Variants in WNK2 observed in about 807,000 individuals in gnomAD.
WNK2 encodes serine/threonine-protein kinase WNK2.
A neutral mutation model predicts 192.1 loss-of-function variants in WNK2; 67 were observed. That is an observed-to-expected ratio of 0.35 (90% confidence interval 0.29 to 0.43). WNK2 has a LOEUF of 0.43. Among genes scored for constraint, WNK2 ranks in the 20% least tolerant of loss-of-function variants. The pLI is 1.00. For missense variants in WNK2, 2,698 were observed against 3,089.7 expected (o/e 0.87, Z 3.01); for synonymous variants, 1,439 against 1,393.9 (o/e 1.03, Z -0.72).
At chr9:93,290,162 T>G in intron 21 of WNK2, 115 bp downstream of exon 21, 1 of 912,688 alleles carries the variant, frequency 1.1e-6, no homozygotes, top group Non-Finnish European at 1.7e-6. Context: ...AAGCATTTCT[T>G]AAAGATCCTT....
chr9:93,318,908 G>A, intron 29 of WNK2: 3 of 1,412,286 alleles, frequency 2.1e-6, no homozygotes, highest in Non-Finnish European at 1.8e-6. Context: ...GAATTGTATA[G>A]TTTCTGTACT....
In WNK2 at chr9:93,288,955, C is replaced by G. The variant is rs539257984; in HGVS notation, c.4201C>G (p.Pro1401Ala). 1.9e-6 allele frequency: 3 copies of G among 1,605,130 alleles called. No homozygotes were observed. The South Asian group carries it at 3.3e-5, about 18-fold the overall frequency. ...TGCTCTGCCCCAAGATGGAGCAGCT[C>G]CAGCCACCAGCACCATGCCAGAGCC... is the stretch of plus-strand genomic sequence containing the variant. ...VTALPQDGAA[P>A]ATSTMPEPAS... Residue 1401 changes from proline (P) to alanine (A), a missense_variant, in exon 20 of 30, where the codon CCA (proline) becomes GCA (alanine). Transcript: ENST00000427277.
rs777244350 is a variant in WNK2, at chr9:93,293,167, G to A, written c.5702G>A (p.Arg1901Gln). The A allele has an allele frequency of 6.0e-5, 90 of 1,505,190 alleles. 1 individual carries two copies. In the Middle Eastern group the frequency reaches 7.0e-4, roughly 12 times the overall value. 93.2% of individuals were successfully genotyped at this position (1,505,190 alleles called of 1,614,324 possible). Residue 1901 changes from arginine to glutamine, a missense_variant, in exon 23 of 30, where the codon CGG becomes CAG. Transcript: ENST00000427277. ...ATAAAGAAGGAGCTGCAGAGTCTGC[G>A]GGAGAAGTAGGTCCTGCGGGCAGGA... ...ADIKKELQSL[R>Q]EKHLKEISEL...
intron 26 of WNK2, among the ~76,000 whole-genome samples, chr9:93,304,504 G>A (rs1852152511): frequency 6.6e-6 from 1 of 152,284 alleles, no homozygotes; most frequent in African/African-American, 2.4e-5. Context: ...CCTGGCTGGG[G>A]ATGGAAGCCC....
intron 2 of WNK2, among the ~76,000 whole-genome samples, chr9:93,197,507 A>G (rs1831483338): frequency 6.6e-6 from 1 of 152,124 alleles, no homozygotes; most frequent in African/African-American, 2.4e-5. Context: ...TCTTGCATGG[A>G]GACTCCATCT....
At chr9:93,295,513 C>T (rs576963984) in intron 23 of WNK2, among the ~76,000 whole-genome samples, 2 of 152,054 alleles carry the variant, frequency 1.3e-5, no homozygotes, top group South Asian at 4.2e-4. Context: ...GAACTTGCTT[C>T]CTCATTTCCG....
intron 12 of WNK2, among the ~76,000 whole-genome samples, chr9:93,261,494 G>A (rs114945196): frequency 6.6e-6 from 1 of 152,198 alleles, no homozygotes; most frequent in Non-Finnish European, 1.5e-5. Flanking sequence ...TGGGTGGTGG[G>A]GGCCTGGCTT....
chr9:93,209,828 C>T (rs985872953), intron 2 of WNK2, among the ~76,000 whole-genome samples: 1 of 152,170 alleles, frequency 6.6e-6, no homozygotes, highest in Non-Finnish European at 1.5e-5. Context: ...GGAGATTCTC[C>T]ATGTCATCCT....
At chr9:93,250,127 CAT>C (rs1487015852) in intron 8 of WNK2, among the ~76,000 whole-genome samples, 1 of 152,006 alleles carries the variant, frequency 6.6e-6, no homozygotes, top group Non-Finnish European at 1.5e-5. Context: ...AATAATAAAA[CAT>C]GTAGCCTACC....
chr9:93,227,076 G>A (rs1014679872), intron 2 of WNK2, among the ~76,000 whole-genome samples: 9 of 151,488 alleles, frequency 5.9e-5, no homozygotes, highest in African/African-American at 1.9e-4. Context: ...GCCAGGTGGG[G>A]CCCACTGTTC....
rs755435593 is a variant in WNK2, at chr9:93,185,528, A to G, written c.599A>G (p.Glu200Gly). ...GGCCGCTTCCTCAAGTTCGACATCG[A>G]GCTGGGCCGCGGTTCCTTCAAGACG... ...LDGRFLKFDI[E>G]LGRGSFKTVY... The change falls in exon 2 of 30, where the codon GAG (glutamate) becomes GGG (glycine). Residue 200 changes from glutamate (E) to glycine (G), a missense_variant. Coordinates refer to ENST00000427277, the MANE Select transcript of WNK2 (RefSeq NM_006648.4). The G allele has an allele frequency of 6.2e-7, 1 of 1,613,006 alleles. No homozygotes were observed.
chr9:93,253,054 T>C lies in WNK2; in HGVS notation c.2006T>C (p.Leu669Pro), dbSNP rs1842808369. The change falls in exon 9 of 30, where the codon CTG (leucine) becomes CCG (proline). Residue 669 changes from leucine (L) to proline (P), a missense_variant. Physicochemically the swap from Leu to Pro is moderately conservative, Grantham distance 98 (BLOSUM62 -3). This residue lies in a region of WNK2 where 893 missense variants were observed against 909.0 expected (regional missense o/e 0.98). Coordinates refer to ENST00000427277, the MANE Select transcript of WNK2 (RefSeq NM_006648.4). ...GPVLPQSLPS[L>P]GAYQQPTAAP... ...GTCCTGCCGCAGAGCCTGCCCTCGC[T>C]GGGGGCCTACCAGCAGCCCACGGCT... 23 of 1,510,976 alleles carry C rather than the reference T, an allele frequency of 1.5e-5. No individual in the cohort carries two copies. The highest frequency in any genetic ancestry group is 1.9e-5 in the Non-Finnish European group (21 of 1,130,016). The allele number at this position is 1,510,976 out of a possible 1,614,324, so 93.6% of individuals were successfully genotyped here.
Position 93,300,110 on chromosome 9 carries a change from C to G in WNK2, c.6175C>G (p.Arg2059Gly), listed in dbSNP as rs751305410. 3.1e-6 allele frequency: 5 copies of G among 1,613,444 alleles called. No individual in the cohort carries two copies. In the African/African-American group the frequency reaches 4.0e-5, roughly 13 times the overall value. The change falls in exon 26 of 30, where the codon CGT (arginine) becomes GGT (glycine). Residue 2059 changes from arginine (R) to glycine (G), a missense_variant. Physicochemically the swap from Arg to Gly is moderately radical, Grantham distance 125. Coordinates refer to ENST00000427277, the MANE Select transcript of WNK2 (RefSeq NM_006648.4). ...RVTYKSSSKP[R>G]ARFLSGPVSV... Reference sequence around the variant, plus strand: ...GACCTATAAGTCTAGTAGCAAACCTCGTGCTCGATTCCTCAGTGGACCCGT... The same window carrying G: ...GACCTATAAGTCTAGTAGCAAACCTGGTGCTCGATTCCTCAGTGGACCCGT...
rs1588161839 is a variant in WNK2 at position 93,247,727 on chromosome 9, C to T, written c.1727C>T (p.Thr576Ile). ...GPPVPLQVQV[T>I]YHAQAGQPGP... ...CCGGTGCCCCTGCAGGTCCAGGTGA[C>T]CTACCATGCACAGGCTGGGCAGCCC... The change falls in exon 8 of 30, where the codon ACC becomes ATC. Residue 576 changes from threonine to isoleucine, a missense_variant. Coordinates refer to ENST00000427277, the MANE Select transcript of WNK2 (RefSeq NM_006648.4). This position sits in a 1 kb window ranked among gnomAD's most constrained non-coding sequence, Gnocchi z 5.2. 1 of 1,557,902 alleles carries T rather than the reference C, an allele frequency of 6.4e-7. No homozygotes were observed.
At chr9:93,202,202 C>T (rs550889415) in intron 2 of WNK2, among the ~76,000 whole-genome samples, 5 of 152,274 alleles carry the variant, frequency 3.3e-5, no homozygotes, top group African/African-American at 9.6e-5. Flanking sequence ...GTGGGGTGGC[C>T]GCTCAGCACA....
rs751130123 is a variant in WNK2, at chr9:93,257,184, G to A, written c.2382+45G>A. The A allele has an allele frequency of 3.8e-6, 6 of 1,575,202 alleles. No homozygotes were observed. In the East Asian group the frequency reaches 1.3e-4, roughly 35 times the overall value. The stretch of plus-strand genomic sequence containing the variant: ...TGCCGTCAGTGGTGGCGCACGCTTT[G>A]CCAGGCCCTGGCTGGTGCACTAGGA... On this transcript the variant is annotated intron_variant, in intron 11 of 29. Coordinates refer to ENST00000427277, the MANE Select transcript of WNK2 (RefSeq NM_006648.4). This position sits in a 1 kb window ranked among gnomAD's most constrained non-coding sequence, Gnocchi z 4.7.
intron 14 of WNK2, 76 bp from the exon 15 acceptor site, chr9:93,263,490 A>G: frequency 6.4e-7 from 1 of 1,552,302 alleles, no homozygotes; most frequent in Non-Finnish European, 8.7e-7. Context: ...ACTGTTCCAG[A>G]TAAGCTGACT....
At chr9:93,217,712 G>A (rs1034538157) in intron 2 of WNK2, among the ~76,000 whole-genome samples, 5 of 152,240 alleles carry the variant, frequency 3.3e-5, no homozygotes, top group Non-Finnish European at 2.9e-5. Context: ...GCAGCCTGGT[G>A]CCATTCCTGG....
At chr9:93,211,393 A>G (rs796368761) in intron 2 of WNK2, among the ~76,000 whole-genome samples, 1 of 132,940 alleles carries the variant, frequency 7.5e-6, no homozygotes. Context: ...ACTCACTCAT[A>G]TACTCACTCA....
Sources: allele counts gnomAD v4.1 joint callset (sites outside exome capture counted in the v4.1 genomes callset), GRCh38; gene constraint gnomAD v4.1.1; regional missense constraint gnomAD v4.1.1; non-coding constraint Gnocchi (gnomAD v3.1); transcripts MANE v1.5; gene names NCBI Gene and HGNC (gene_info 2026-07-23, HGNC 2026-07-21).